UTP4: variants seen among roughly 807,000 people sequenced by gnomAD.
UTP4 encodes the protein UTP4 small subunit processome component.
Under a neutral mutation model 82.4 loss-of-function variants are expected in UTP4, and 45 were observed. The ratio of observed to expected loss-of-function variants is 0.55; its 90% CI spans 0.43 to 0.70. The LOEUF is 0.70. Ranked by LOEUF, UTP4 falls within the 30% of genes least tolerant of loss-of-function variation. UTP4 has a pLI of 0.00. For synonymous variants in UTP4, 348 were observed against 300.3 expected (o/e 1.16, Z -1.64); for missense variants, 819 against 858.3 (o/e 0.95, Z 0.57).
chr16:69,151,225 C>T (rs886838386), intron 8 of UTP4, among the ~76,000 whole-genome samples: 1 of 151,962 alleles, frequency 6.6e-6, no homozygotes, highest in Non-Finnish European at 1.5e-5. Context: ...AGGCTGATCT[C>T]GGAACTCCCA....
At chr16:69,150,409 T>G in intron 6 of UTP4, 128 bp from the exon 7 acceptor site, 1 of 1,059,944 alleles carries the variant, frequency 9.4e-7, no homozygotes, top group Non-Finnish European at 1.5e-6. Flanking sequence ...GAAAAGACCC[T>G]TGTAACTTTC....
chr16:69,136,137 T>G (rs1204145181), intron 2 of UTP4, among the ~76,000 whole-genome samples: 1 of 152,280 alleles, frequency 6.6e-6, no homozygotes, highest in Admixed American at 6.5e-5. Flanking sequence ...ACTTAACCCA[T>G]GTATATCTTG....
chr16:69,164,948 C>T (rs752353295), intron 14 of UTP4, among the ~76,000 whole-genome samples: 8 of 152,122 alleles, frequency 5.3e-5, no homozygotes, highest in Non-Finnish European at 1.0e-4. Context: ...GTAATCCCAG[C>T]ACTTTGGGAG....
chr16:69,137,001 C>G, intron 3 of UTP4, 114 bp downstream of exon 3: 1 of 899,102 alleles, frequency 1.1e-6, no homozygotes, highest in Non-Finnish European at 1.9e-6. Flanking sequence ...GCAACCCCAA[C>G]TATAAGATTG....
At chr16:69,152,386 A>G (rs1963295232) in intron 8 of UTP4, among the ~76,000 whole-genome samples, 2 of 151,808 alleles carry the variant, frequency 1.3e-5, no homozygotes, top group South Asian at 4.2e-4. Flanking sequence ...CTTGAGCTCA[A>G]GCAGTCCTCC....
In UTP4 at chr16:69,153,567, T is replaced by C. The variant is rs1272147850; in HGVS notation, c.1003-17T>C. On this transcript the variant is annotated splice_polypyrimidine_tract_variant and intron_variant, in intron 8 of 16. Transcript: ENST00000314423. ...GACCCTGACTTATTTTTTTAACTTC[T>C]TGATTCTTGGATATAGCGATGTCTC... The C allele has an allele frequency of 6.3e-7, 1 of 1,598,148 alleles. No homozygotes were observed. Among genetic ancestry groups the C allele is most frequent in the Non-Finnish European group, 8.6e-7 (1 of 1,166,798 alleles).
At chr16:69,164,086 A>T (rs531724192) in intron 14 of UTP4, among the ~76,000 whole-genome samples, 1 of 151,796 alleles carries the variant, frequency 6.6e-6, no homozygotes, top group Non-Finnish European at 1.5e-5. Context: ...GAGTTTCACC[A>T]TGTTAGCCAG....
chr16:69,165,971 C>T (rs1033142466), intron 15 of UTP4: 12 of 277,646 alleles, frequency 4.3e-5, no homozygotes, highest in Non-Finnish European at 7.0e-5. Flanking sequence ...TGTGCCCCTT[C>T]GCTAAAGCTA....
At chr16:69,161,219 T>C (rs1470986309) in intron 13 of UTP4, among the ~76,000 whole-genome samples, 1 of 152,248 alleles carries the variant, frequency 6.6e-6, no homozygotes, top group East Asian at 1.9e-4. Context: ...TTTTCACTAA[T>C]CAGTAATGAC....
At chr16:69,149,607 G>A (rs1488889313) in intron 6 of UTP4, among the ~76,000 whole-genome samples, 1 of 152,100 alleles carries the variant, frequency 6.6e-6, no homozygotes, top group African/African-American at 2.4e-5. Context: ...TGTGCAGACT[G>A]GTCTCCAACT....
intron 6 of UTP4, among the ~76,000 whole-genome samples, chr16:69,148,100 C>T (rs1186502204): frequency 1.3e-5 from 2 of 152,086 alleles, no homozygotes; most frequent in East Asian, 1.9e-4. Flanking sequence ...GGACTACAGG[C>T]GCCCGCCACC....
chr16:69,167,861 A>T (rs979215891), intron 16 of UTP4: 3 of 152,140 alleles, frequency 2.0e-5, no homozygotes, highest in Admixed American at 6.6e-5. Context: ...AAAAAATATA[A>T]AAATTAGCTA....
intron 12 of UTP4, among the ~76,000 whole-genome samples, chr16:69,159,712 G>A (rs558075519): frequency 6.6e-6 from 1 of 151,754 alleles, no homozygotes; most frequent in African/African-American, 2.4e-5. Context: ...AAGAGGCCAG[G>A]CACGGTGGCT....
rs75715322 is a variant in UTP4 at position 69,133,907 on chromosome 16, A to G, written c.159+289A>G. On this transcript the variant is annotated intron_variant, in intron 2 of 16. Transcript: ENST00000314423. ...ACACAGGAAGGGAAATTGTTGGTAT[A>G]TCAGTCTCAACACCATTGCAGCTTT... is the stretch of plus-strand genomic sequence containing the variant. Among the ~76,000 whole-genome samples the G allele has an allele frequency of 4.9e-3, 742 of 152,324 alleles. 3 individuals are homozygous for G. The highest frequency in any genetic ancestry group is 0.017 in the African/African-American group (723 of 41,556).
At chr16:69,160,281 T>C (rs1016807500) in intron 12 of UTP4, 75 bp from the exon 13 acceptor site, 3 of 1,129,898 alleles carry the variant, frequency 2.7e-6, no homozygotes, top group Non-Finnish European at 4.1e-6. Flanking sequence ...TCCTTGGCTT[T>C]TGCCATCATC....
Position 69,139,866 on chromosome 16 carries a change from A to G in UTP4, c.478A>G (p.Ile160Val), listed in dbSNP as rs1962914300. The stretch of plus-strand genomic sequence containing the variant: ...CAGCTGGCATCCCTCTGGTACCCAC[A>G]TTGCAGCTGGTTCCATAGACTACAT... ...SLSWHPSGTH[I>V]AAGSIDYISV... Residue 160 changes from isoleucine to valine, a missense_variant, in exon 5 of 17, where the codon ATT (isoleucine) becomes GTT (valine). By Grantham distance (29) the Ile-to-Val change is conservative. Coordinates refer to ENST00000314423, the MANE Select transcript of UTP4 (RefSeq NM_032830.3). 11 of 1,613,920 alleles carry G rather than the reference A, an allele frequency of 6.8e-6. No individual in the cohort carries two copies. Among genetic ancestry groups the G allele is most frequent in the Non-Finnish European group, 9.3e-6 (11 of 1,179,928 alleles).
intron 12 of UTP4, among the ~76,000 whole-genome samples, 154 bp from the exon 13 acceptor site, chr16:69,160,202 T>C (rs1050570424): frequency 3.3e-5 from 5 of 152,168 alleles, no homozygotes; most frequent in African/African-American, 9.7e-5. Context: ...GTAGAAACAT[T>C]AACATCTAGA....
intron 8 of UTP4, among the ~76,000 whole-genome samples, chr16:69,152,568 C>A (rs1328037830): frequency 6.8e-6 from 1 of 146,274 alleles, no homozygotes; most frequent in Non-Finnish European, 1.5e-5. Context: ...CTCCTGGGTT[C>A]AAGCGATTCT....
At chr16:69,155,271 T>C (rs566585275) in intron 10 of UTP4, among the ~76,000 whole-genome samples, 1 of 152,238 alleles carries the variant, frequency 6.6e-6, no homozygotes, top group East Asian at 1.9e-4. Flanking sequence ...CCTCCCAGGC[T>C]CAGGTGATCC....
Sources: allele counts gnomAD v4.1 joint callset (sites outside exome capture counted in the v4.1 genomes callset), GRCh38; gene constraint gnomAD v4.1.1; transcripts MANE v1.5; gene names NCBI Gene and HGNC (gene_info 2026-07-23, HGNC 2026-07-21).